Variants in PARD3B observed in about 807,000 individuals in gnomAD.
PARD3B encodes the protein par-3 family cell polarity regulator beta, also known as partitioning defective 3 homolog B.
In PARD3B, 103 loss-of-function variants were observed where a neutral mutation model predicts 130.2. That is an observed-to-expected ratio of 0.79 (90% CI 0.67 to 0.93). The LOEUF (loss-of-function observed/expected upper bound fraction) is 0.93, where lower values mean the gene tolerates loss of function less well. PARD3B is among the 40% of genes least tolerant of loss of function. The pLI is 0.00. For synonymous variants in PARD3B, 583 were observed against 553.2 expected, an observed-to-expected ratio of 1.05 and a Z score of -0.76; for missense variants, 1,609 against 1,499.2, an observed-to-expected ratio of 1.07 and a Z score of -1.21.
chr2:205,339,167 A>G (rs1300094005), intron 18 of PARD3B, among the ~76,000 whole-genome samples: 1 of 152,172 alleles, frequency 6.6e-6, no homozygotes, highest in Non-Finnish European at 1.5e-5. Context: ...TGTTTTGAAT[A>G]TCAGTTCATC....
chr2:205,191,682 T>C (rs2036405608), intron 14 of PARD3B, among the ~76,000 whole-genome samples: 1 of 152,232 alleles, frequency 6.6e-6, no homozygotes, highest in Admixed American at 6.5e-5. Context: ...TTCTATTCTC[T>C]CAACAACCTT....
At chr2:204,812,947 C>G (rs1011179851) in intron 2 of PARD3B, among the ~76,000 whole-genome samples, 9 of 152,170 alleles carry the variant, frequency 5.9e-5, no homozygotes, top group Non-Finnish European at 1.0e-4. Context: ...ACTACTTATT[C>G]TAACACATTC....
At chr2:205,578,378 C>A (rs982221605) in intron 22 of PARD3B, among the ~76,000 whole-genome samples, 4 of 152,122 alleles carry the variant, frequency 2.6e-5, no homozygotes, top group African/African-American at 9.7e-5. Flanking sequence ...AAGATCCCCC[C>A]CAAAAAAGAA....
At chr2:204,680,051 G>A (rs372778143) in intron 1 of PARD3B, among the ~76,000 whole-genome samples, 10 of 151,844 alleles carry the variant, frequency 6.6e-5, no homozygotes, top group African/African-American at 2.2e-4. Flanking sequence ...TAAGGATATT[G>A]GTATCAAATT....
At chr2:204,873,420 G>A (rs1323567660) in intron 2 of PARD3B, among the ~76,000 whole-genome samples, 1 of 152,162 alleles carries the variant, frequency 6.6e-6, no homozygotes, top group Non-Finnish European at 1.5e-5. Context: ...TGATTCTCAA[G>A]CCAGTGATTT....
chr2:205,206,289 A>G (rs1278502470), intron 15 of PARD3B, among the ~76,000 whole-genome samples: 1 of 149,236 alleles, frequency 6.7e-6, no homozygotes, highest in Non-Finnish European at 1.5e-5. Flanking sequence ...ACATGTATAC[A>G]TGTGCCCTGC....
At chr2:204,990,929 C>T (rs1294248534) in intron 3 of PARD3B, among the ~76,000 whole-genome samples, 1 of 152,114 alleles carries the variant, frequency 6.6e-6, no homozygotes, top group Non-Finnish European at 1.5e-5. Context: ...CCACCATACA[C>T]GTGATCAATT....
intron 2 of PARD3B, among the ~76,000 whole-genome samples, chr2:204,757,640 C>T (rs1051945222): frequency 2.0e-5 from 3 of 152,004 alleles, no homozygotes; most frequent in Non-Finnish European, 2.9e-5. Flanking sequence ...GATAAAGATA[C>T]CTTTGTGAAA....
rs187919815 is a variant in PARD3B, at chr2:204,843,785, A to G, written c.223-121367A>G. Among the ~76,000 whole-genome samples, 111 of 152,264 alleles carry G rather than the reference A, an allele frequency of 7.3e-4. 1 individual carries two copies. Among genetic ancestry groups the G allele is most frequent in the African/African-American group, 2.5e-3 (104 of 41,526 alleles). Reference sequence around the variant, plus strand: ...ATCTAAAGGTTCAACTCTTTCTATCAAAACATACTTTTGTACTTGTTCTCA... The same window carrying G: ...ATCTAAAGGTTCAACTCTTTCTATCGAAACATACTTTTGTACTTGTTCTCA... On this transcript the variant is annotated intron_variant, in intron 2 of 22. Coordinates refer to ENST00000406610, the MANE Select transcript of PARD3B (RefSeq NM_001302769.2).
intron 1 of PARD3B, among the ~76,000 whole-genome samples, chr2:204,656,064 A>C (rs2035628314): frequency 6.6e-6 from 1 of 152,044 alleles, no homozygotes; most frequent in East Asian, 1.9e-4. Context: ...AGAAGTGCTC[A>C]AGGCTTTTTG....
In PARD3B at chr2:205,436,906, G is replaced by GT. The variant is rs564715785; in HGVS notation, c.2742-3452dup. 4.8e-3 allele frequency among the ~76,000 whole-genome samples: 704 copies of GT among 145,242 alleles called. 1 individual carries two copies. The highest frequency in any genetic ancestry group is 8.5e-3 in the African/African-American group (338 of 39,994). Reference sequence around the variant, plus strand: ...TTTCTCACTACTTCACCTCCATGAAGTTTTTTTTTTTTAAGGTGGGAGACC... The same window carrying GT: ...TTTCTCACTACTTCACCTCCATGAAGTTTTTTTTTTTTTAAGGTGGGAGACC... On this transcript the variant is annotated intron_variant, in intron 19 of 22. Transcript: ENST00000406610.
intron 18 of PARD3B, among the ~76,000 whole-genome samples, chr2:205,374,717 C>T (rs1276598467): frequency 6.6e-6 from 1 of 151,922 alleles, no homozygotes; most frequent in Non-Finnish European, 1.5e-5. Context: ...GTGGAGACAA[C>T]AAAATTTAAT....
chr2:204,648,593 A>G (rs2035355951), intron 1 of PARD3B, among the ~76,000 whole-genome samples: 1 of 125,822 alleles, frequency 7.9e-6, no homozygotes, highest in Non-Finnish European at 1.6e-5. Flanking sequence ...ATTATATTAT[A>G]TATAATATAT....
At chr2:205,541,644 G>C (rs190898234) in intron 21 of PARD3B, among the ~76,000 whole-genome samples, 1 of 151,652 alleles carries the variant, frequency 6.6e-6, no homozygotes, top group Admixed American at 6.6e-5. Context: ...CACCGTGCCC[G>C]GCCTATTTTT....
At chr2:204,735,457 T>G (rs190166226) in intron 2 of PARD3B, among the ~76,000 whole-genome samples, 146 of 152,264 alleles carry the variant, frequency 9.6e-4, no homozygotes, top group African/African-American at 3.3e-3. Context: ...ATGTCATAAG[T>G]AAATGATTGG....
In PARD3B at chr2:205,291,545, G is replaced by T. The variant is rs1165995483; in HGVS notation, c.2186-8985G>T. Among the ~76,000 whole-genome samples, 1 of 152,190 alleles carries T rather than the reference G, an allele frequency of 6.6e-6. No individual in the cohort carries two copies. Among genetic ancestry groups the T allele is most frequent in the African/African-American group, 2.4e-5 (1 of 41,444 alleles). On this transcript the variant is annotated intron_variant, in intron 16 of 22. Coordinates refer to ENST00000406610, the MANE Select transcript of PARD3B (RefSeq NM_001302769.2). This position sits in a 1 kb window ranked among gnomAD's most constrained non-coding sequence, Gnocchi z 4.6. ...TAGAACTTGTAAGTGATGAAATTGG[G>T]TATTTAGCTGAAGCTATTTGTAAGC...
At position 205,142,201 on chromosome 2, in the gene PARD3B, T is replaced by C. The variant is rs1017367466; in HGVS notation, c.1434+16464T>C. On this transcript the variant is annotated intron_variant, in intron 10 of 22. Transcript: ENST00000406610. The surrounding 1 kb of genome is among the most constrained non-coding windows in gnomAD (Gnocchi z 4.3). ...AGATGGGATTTGATAGGTAAGAGTT[T>C]GCTAGTGGGTGGCAAAGCAGGGTAA... 2.6e-5 allele frequency among the ~76,000 whole-genome samples: 4 copies of C among 152,198 alleles called. No individual in the cohort carries two copies. The highest frequency in any genetic ancestry group is 5.9e-5 in the Non-Finnish European group (4 of 68,042).
intron 19 of PARD3B, among the ~76,000 whole-genome samples, chr2:205,422,307 C>T (rs1241928226): frequency 1.3e-5 from 2 of 152,030 alleles, no homozygotes; most frequent in African/African-American, 2.4e-5. Flanking sequence ...AGGCGGTGAC[C>T]GAGTGGATAG....
chr2:205,401,510 T>C (rs917849734), intron 19 of PARD3B, among the ~76,000 whole-genome samples: 1 of 152,304 alleles, frequency 6.6e-6, no homozygotes, highest in South Asian at 2.1e-4. Flanking sequence ...TTAATTTTAT[T>C]CTGCGCAATC....
Sources: allele counts gnomAD v4.1 joint callset (sites outside exome capture counted in the v4.1 genomes callset), GRCh38; gene constraint gnomAD v4.1.1; non-coding constraint Gnocchi (gnomAD v3.1); transcripts MANE v1.5; gene names NCBI Gene and HGNC (gene_info 2026-07-23, HGNC 2026-07-21).